The following PRAP1 variants were observed in gnomAD, a reference collection of about 807,000 sequenced individuals.
The protein encoded by PRAP1 is proline rich acidic protein 1.
In PRAP1, 12 loss-of-function variants were observed where a neutral mutation model predicts 14.6. That is an observed-to-expected ratio of 0.82 (90% CI 0.53 to 1.33). The LOEUF is 1.33. PRAP1 is among the 40% of genes most tolerant of loss of function. The pLI, the probability that PRAP1 is intolerant of heterozygous loss-of-function variation, is 0.00. For synonymous variants in PRAP1, 81 were observed against 80.3 expected, an observed-to-expected ratio of 1.01 and a Z score of -0.04; for missense variants, 160 against 193.7, an observed-to-expected ratio of 0.83 and a Z score of 1.03.
chr10:133,352,106 G>A lies in PRAP1; in HGVS notation c.228G>A (p.Lys76=), dbSNP rs780576690. ...QKPKLLTTEE[K]PRGQGRGPIL... ...CGAAACTCTTGACCACCGAGGAGAA[G>A]CCACGAGGTCAGGGCAGGGGCCCCA... The change falls in exon 4 of 5, where the codon AAG becomes AAA. Residue 76 remains lysine, a synonymous_variant. Coordinates refer to ENST00000433452, the MANE Select transcript of PRAP1 (RefSeq NM_145202.5). 6.2e-7 allele frequency: 1 copy of A among 1,613,070 alleles called. No homozygotes were observed. The highest frequency in any genetic ancestry group is 1.3e-5 in the African/African-American group (1 of 74,916).
chr10:133,352,111 G>A lies in PRAP1; in HGVS notation c.233G>A (p.Arg78Gln), dbSNP rs140360205. The A allele has an allele frequency of 9.3e-6, 15 of 1,613,064 alleles. No homozygotes were observed. The highest frequency in any genetic ancestry group is 1.3e-5 in the African/African-American group (1 of 74,928). The change falls in exon 4 of 5, where the codon CGA (arginine) becomes CAA (glutamine). Residue 78 changes from arginine (R) to glutamine (Q), a missense_variant. Transcript: ENST00000433452. ...PKLLTTEEKPRGQGRGPILPG... is the reference protein window; with the variant it reads ...PKLLTTEEKPQGQGRGPILPG... ...CTCTTGACCACCGAGGAGAAGCCAC[G>A]AGGTCAGGGCAGGGGCCCCATCCTT... is the stretch of plus-strand genomic sequence containing the variant.
chr10:133,347,576 G>A lies in PRAP1; in HGVS notation c.8+151G>A. On this transcript the variant is annotated intron_variant, in intron 1 of 4. Transcript: ENST00000433452. The surrounding 1 kb of genome is among the most constrained non-coding windows in gnomAD (Gnocchi z 5.0). ...AGGGAGAAGGAGGGGCCCTCTGAGG[G>A]TCTGGGGTCTGCCACCAGGCTCTAC... 1 of 770,910 alleles carries A rather than the reference G, an allele frequency of 1.3e-6. No individual in the cohort carries two copies. Among genetic ancestry groups the A allele is most frequent in the South Asian group, 1.9e-5 (1 of 53,052 alleles). 47.8% of individuals were successfully genotyped at this position (770,910 alleles called of 1,614,324 possible).
chr10:133,352,526 C>T lies in PRAP1; in HGVS notation c.*86C>T. The T allele has an allele frequency of 8.1e-7, 1 of 1,237,308 alleles. No homozygotes were observed. The highest frequency in any genetic ancestry group is 1.1e-6 in the Non-Finnish European group (1 of 874,970). The allele number at this position is 1,237,308 out of a possible 1,614,324, so 76.6% of individuals were successfully genotyped here. A position where few individuals can be genotyped will look rare whatever the true frequency, so the allele number is the denominator to read the frequency against. On this transcript the variant is annotated 3_prime_UTR_variant, in exon 5 of 5. Transcript: ENST00000433452. ...CCCTCCCTACCCTGCCCCAGCTAGA[C>T]AAATAAACCCCAGCAGGCCGGGCGC... is the stretch of plus-strand genomic sequence containing the variant.
At chr10:133,350,251 T>G in intron 2 of PRAP1, 90 bp downstream of exon 2, 1 of 1,208,702 alleles carries the variant, frequency 8.3e-7, no homozygotes. Context: ...GCCCCTCTTC[T>G]GGCTTCAAAC....
Position 133,347,461 on chromosome 10 carries a change from C to T in PRAP1, c.8+36C>T. On this transcript the variant is annotated intron_variant, in intron 1 of 4. Coordinates refer to ENST00000433452, the MANE Select transcript of PRAP1 (RefSeq NM_145202.5). The surrounding 1 kb of genome is among the most constrained non-coding windows in gnomAD (Gnocchi z 5.0). ...CATCCCTGAGCCCCAATCCCCACCC[C>T]ACCCAAACCTGGAGGCCTGGCCCTT... is the stretch of plus-strand genomic sequence containing the variant. 6.3e-7 allele frequency: 1 copy of T among 1,594,814 alleles called. No individual in the cohort carries two copies. The highest frequency in any genetic ancestry group is 1.3e-5 in the African/African-American group (1 of 74,666).
chr10:133,349,059 C>A (rs1293668503), intron 1 of PRAP1, among the ~76,000 whole-genome samples: 2 of 151,406 alleles, frequency 1.3e-5, no homozygotes, highest in African/African-American at 4.9e-5. Flanking sequence ...GCCTCCCCCG[C>A]AGGGCCCTGA....
chr10:133,351,258 C>A lies in PRAP1; in HGVS notation c.76-123C>A, dbSNP rs1425568909. The A allele has an allele frequency of 1.3e-5, 8 of 628,166 alleles. No individual in the cohort carries two copies. The highest frequency in any genetic ancestry group is 1.7e-5 in the Non-Finnish European group (6 of 348,946). The allele number at this position is 628,166 out of a possible 1,614,324, so 38.9% of individuals were successfully genotyped here. On this transcript the variant is annotated intron_variant, in intron 2 of 4. Transcript: ENST00000433452. This position sits in a 1 kb window ranked among gnomAD's most constrained non-coding sequence, Gnocchi z 4.3. ...CTCGAGCTGTGCTGAGCTGGCCCTG[C>A]CCCCACCCCCTGCAGCCACCTCCAC...
chr10:133,351,516 A>G lies in PRAP1; in HGVS notation c.128+83A>G. ...TGCTGGGCCCTTCCTGAACCTGGAG[A>G]GCACGGGGCAGATGCAGAGAGGAGC... On this transcript the variant is annotated intron_variant, in intron 3 of 4. Transcript: ENST00000433452. The surrounding 1 kb of genome is among the most constrained non-coding windows in gnomAD (Gnocchi z 4.3). 9.0e-7 allele frequency: 1 copy of G among 1,105,808 alleles called. No individual in the cohort carries two copies. The allele number at this position is 1,105,808 out of a possible 1,614,324, so 68.5% of individuals were successfully genotyped here.
rs1272336095 is a variant in PRAP1, at chr10:133,347,517, C to T, written c.8+92C>T. ...GAGGGGGCCCAGCTGTGCTGCGCTC[C>T]AGGGGGCCTGGTTCAGGGGAGTGTG... On this transcript the variant is annotated intron_variant, in intron 1 of 4. Coordinates refer to ENST00000433452, the MANE Select transcript of PRAP1 (RefSeq NM_145202.5). This position sits in a 1 kb window ranked among gnomAD's most constrained non-coding sequence, Gnocchi z 5.0. The T allele has an allele frequency of 8.4e-6, 11 of 1,315,842 alleles. No individual in the cohort carries two copies. Among genetic ancestry groups the T allele is most frequent in the Non-Finnish European group, 1.2e-5 (11 of 951,990 alleles). The allele number at this position is 1,315,842 out of a possible 1,614,324, so 81.5% of individuals were successfully genotyped here.
At position 133,350,137 on chromosome 10, in the gene PRAP1, G is replaced by T. The variant is rs752463136; in HGVS notation, c.51G>T (p.Glu17Asp). Residue 17 changes from glutamate to aspartate, a missense_variant, in exon 2 of 5, where the codon GAG becomes GAT. By Grantham distance (45) the Glu-to-Asp change is conservative. Transcript: ENST00000433452. ...GCCTGGTGGTTGTGCTGCTGTGGGA[G>T]GCAGGTGCAGTCCCAGCACCCAAGG... ...VTSLVVVLLW[E>D]AGAVPAPKVP... 6.2e-7 allele frequency: 1 copy of T among 1,613,530 alleles called. No homozygotes were observed. Among genetic ancestry groups the T allele is most frequent in the South Asian group, 1.1e-5 (1 of 91,034 alleles).
At position 133,347,546 on chromosome 10, in the gene PRAP1, G is replaced by T; in HGVS notation, c.8+121G>T. 9.6e-7 allele frequency: 1 copy of T among 1,045,272 alleles called. No individual in the cohort carries two copies. Among genetic ancestry groups the T allele is most frequent in the Non-Finnish European group, 1.4e-6 (1 of 730,722 alleles). 64.7% of individuals were successfully genotyped at this position (1,045,272 alleles called of 1,614,324 possible). A position where few individuals can be genotyped will look rare whatever the true frequency, so the allele number is the denominator to read the frequency against. ...GGGCCTGGTTCAGGGGAGTGTGCGGGTGGGAGGGAGAAGGAGGGGCCCTCT... is the reference window on the plus strand; with the variant it reads ...GGGCCTGGTTCAGGGGAGTGTGCGGTTGGGAGGGAGAAGGAGGGGCCCTCT... On this transcript the variant is annotated intron_variant, in intron 1 of 4. Transcript: ENST00000433452. This position sits in a 1 kb window ranked among gnomAD's most constrained non-coding sequence, Gnocchi z 5.0.
intron 2 of PRAP1, among the ~76,000 whole-genome samples, chr10:133,350,971 G>C (rs866689968): frequency 7.3e-6 from 1 of 136,286 alleles, no homozygotes; most frequent in Admixed American, 7.5e-5. Context: ...GGCTCAGAGC[G>C]GCTGACCGCG....
rs1330017405 is a variant in PRAP1 at position 133,351,248 on chromosome 10, G to C, written c.76-133G>C. On this transcript the variant is annotated intron_variant, in intron 2 of 4. Transcript: ENST00000433452. This position sits in a 1 kb window ranked among gnomAD's most constrained non-coding sequence, Gnocchi z 4.3. ...ACTAGAGACGCTCGAGCTGTGCTGAGCTGGCCCTGCCCCCACCCCCTGCAG... is the reference window on the plus strand; with the variant it reads ...ACTAGAGACGCTCGAGCTGTGCTGACCTGGCCCTGCCCCCACCCCCTGCAG... The C allele has an allele frequency of 3.2e-6, 2 of 617,064 alleles. No homozygotes were observed. The highest frequency in any genetic ancestry group is 5.9e-6 in the Non-Finnish European group (2 of 340,026). The allele number at this position is 617,064 out of a possible 1,614,324, so 38.2% of individuals were successfully genotyped here.
Position 133,351,405 on chromosome 10 carries a change from C to T in PRAP1, c.100C>T (p.His34Tyr), listed in dbSNP as rs748281551. The T allele has an allele frequency of 8.7e-6, 14 of 1,611,672 alleles. 1 individual carries two copies. Among genetic ancestry groups the T allele is most frequent in the East Asian group, 4.5e-5 (2 of 44,864 alleles). The change falls in exon 3 of 5, where the codon CAC becomes TAC. Residue 34 changes from histidine to tyrosine, a missense_variant. Physicochemically the swap from His to Tyr is moderately conservative, Grantham distance 83. Coordinates refer to ENST00000433452, the MANE Select transcript of PRAP1 (RefSeq NM_145202.5). This position sits in a 1 kb window ranked among gnomAD's most constrained non-coding sequence, Gnocchi z 4.3. ...GGTCCCTATCAAGATGCAAGTCAAACACTGGCCCTCAGAGCAGGACCCAGA... is the reference window on the plus strand; with the variant it reads ...GGTCCCTATCAAGATGCAAGTCAAATACTGGCCCTCAGAGCAGGACCCAGA... ...PKVPIKMQVKHWPSEQDPEKA... is the reference protein window; with the variant it reads ...PKVPIKMQVKYWPSEQDPEKA...
rs530484342 is a variant in PRAP1 at position 133,351,172 on chromosome 10, C to T, written c.76-209C>T. ...GCCAGCTGGTCATCTGGGCACAGGC[C>T]GGCAACCTCAATCCCGGCTTGCAAT... is the stretch of plus-strand genomic sequence containing the variant. On this transcript the variant is annotated intron_variant, in intron 2 of 4. Transcript: ENST00000433452. The surrounding 1 kb of genome is among the most constrained non-coding windows in gnomAD (Gnocchi z 4.3). 8.1e-4 allele frequency among the ~76,000 whole-genome samples: 123 copies of T among 152,300 alleles called. 1 individual carries two copies. Among genetic ancestry groups the T allele is most frequent in the Middle Eastern group, 6.8e-3 (2 of 294 alleles).
chr10:133,352,461 C>T lies in PRAP1; in HGVS notation c.*21C>T. ...AGTAGGGCTCCAGGGGCCATCACTG[C>T]CCCCGCCCTGTCCCAAGGCCCAGGC... is the stretch of plus-strand genomic sequence containing the variant. On this transcript the variant is annotated 3_prime_UTR_variant, in exon 5 of 5. Coordinates refer to ENST00000433452, the MANE Select transcript of PRAP1 (RefSeq NM_145202.5). The T allele has an allele frequency of 1.2e-6, 2 of 1,601,746 alleles. No individual in the cohort carries two copies. The highest frequency in any genetic ancestry group is 1.7e-6 in the Non-Finnish European group (2 of 1,171,840).
intron 1 of PRAP1, among the ~76,000 whole-genome samples, chr10:133,348,671 G>A (rs921359041): frequency 9.5e-5 from 13 of 136,138 alleles, no homozygotes; most frequent in Admixed American, 8.1e-4. Context: ...CTGCCACCAC[G>A]CCTGGCTAAT....
At chr10:133,348,531 A>G (rs1848621865) in intron 1 of PRAP1, among the ~76,000 whole-genome samples, 1 of 150,546 alleles carries the variant, frequency 6.6e-6, no homozygotes, top group Admixed American at 6.6e-5. Flanking sequence ...TTTTTGAGAC[A>G]GAGTGTCTCG....
rs1848654806 is a variant in PRAP1 at position 133,350,118 on chromosome 10, T to C, written c.32T>C (p.Val11Ala). 6.2e-7 allele frequency: 1 copy of C among 1,613,286 alleles called. No homozygotes were observed. Among genetic ancestry groups the C allele is most frequent in the East Asian group, 2.2e-5 (1 of 44,852 alleles). MRRLLLVTSL[V>A]VVLLWEAGAV... ...AGGCTCCTCCTGGTCACCAGCCTGG[T>C]GGTTGTGCTGCTGTGGGAGGCAGGT... is the stretch of plus-strand genomic sequence containing the variant. The change falls in exon 2 of 5, where the codon GTG (valine) becomes GCG (alanine). Residue 11 changes from valine (V) to alanine (A), a missense_variant. Physicochemically the swap from Val to Ala is moderately conservative, Grantham distance 64. Coordinates refer to ENST00000433452, the MANE Select transcript of PRAP1 (RefSeq NM_145202.5).
Sources: allele counts gnomAD v4.1 joint callset (sites outside exome capture counted in the v4.1 genomes callset), GRCh38; gene constraint gnomAD v4.1.1; non-coding constraint Gnocchi (gnomAD v3.1); transcripts MANE v1.5; gene names NCBI Gene and HGNC (gene_info 2026-07-23, HGNC 2026-07-21).